Variants in DNAH10 observed in about 807,000 individuals in gnomAD.
DNAH10 encodes axonemal beta dynein heavy chain 10.
A neutral mutation model predicts 506.6 loss-of-function variants in DNAH10; 348 were observed. The ratio of observed to expected loss-of-function variants is 0.69; its 90% CI spans 0.63 to 0.75. DNAH10 has a LOEUF of 0.75. DNAH10 is among the 30% of genes least tolerant of loss of function. DNAH10 has a pLI of 0.00. For missense variants in DNAH10, 5,179 were observed against 5,787.1 expected (o/e 0.89, Z 3.41); for synonymous variants, 2,059 against 2,198.6 (o/e 0.94, Z 1.78).
At chr12:123,792,271 C>T (rs2136227228) in intron 11 of DNAH10, among the ~76,000 whole-genome samples, 1 of 152,206 alleles carries the variant, frequency 6.6e-6, no homozygotes, top group Non-Finnish European at 1.5e-5. Context: ...TTTTTATTTG[C>T]CTGGTTATTT....
intron 28 of DNAH10, among the ~76,000 whole-genome samples, chr12:123,836,010 C>A (rs1200563937): frequency 6.6e-6 from 1 of 152,138 alleles, no homozygotes; most frequent in Non-Finnish European, 1.5e-5. Flanking sequence ...TAGCTGCTGG[C>A]ATATGACACT....
intron 45 of DNAH10, among the ~76,000 whole-genome samples, chr12:123,872,476 G>A (rs903350816): frequency 3.9e-5 from 6 of 152,114 alleles, no homozygotes; most frequent in African/African-American, 1.4e-4. Flanking sequence ...GCCCAGCCAG[G>A]TACACCTGAA....
Position 123,932,109 on chromosome 12 carries a change from G to T in DNAH10, c.13296+1G>T. On this transcript the variant is annotated splice_donor_variant, in intron 76 of 78. Transcript: ENST00000673944. LOFTEE classifies it high-confidence loss of function. ...GCGGTTCAGCCAGTACATGTTGTGG[G>T]TAAGTGGCACGTCACCGCCTCCTCT... 6.2e-7 allele frequency: 1 copy of T among 1,613,300 alleles called. No homozygotes were observed. The highest frequency in any genetic ancestry group is 8.5e-7 in the Non-Finnish European group (1 of 1,179,872).
At chr12:123,934,834 G>A in intron 78 of DNAH10, 68 bp downstream of exon 78, 3 of 1,593,126 alleles carry the variant, frequency 1.9e-6, no homozygotes, top group Non-Finnish European at 2.6e-6. Context: ...TATGGCTGAG[G>A]TGGTTTCCAA....
intron 77 of DNAH10, among the ~76,000 whole-genome samples, chr12:123,933,781 T>C (rs1955332518): frequency 6.6e-6 from 1 of 152,206 alleles, no homozygotes; most frequent in Non-Finnish European, 1.5e-5. Context: ...TGCTAGCTCA[T>C]GGCAAGTGGG....
chr12:123,852,297 A>G (rs1203343105), intron 35 of DNAH10, among the ~76,000 whole-genome samples: 4 of 152,234 alleles, frequency 2.6e-5, no homozygotes, highest in African/African-American at 9.6e-5. Context: ...TAAGCTATCT[A>G]TAAAATGTAC....
rs1210787408 is a variant in DNAH10, at chr12:123,934,611, G to C, written c.13478-10G>C. ...TCCAGTTGTATCCAGTCTCTGCCTTGTGTCCCTAGGATGCTTTGTCTCAGG... is the reference window on the plus strand; with the variant it reads ...TCCAGTTGTATCCAGTCTCTGCCTTCTGTCCCTAGGATGCTTTGTCTCAGG... On this transcript the variant is annotated splice_polypyrimidine_tract_variant and intron_variant, in intron 77 of 78. Transcript: ENST00000673944. 1 of 1,613,056 alleles carries C rather than the reference G, an allele frequency of 6.2e-7. No homozygotes were observed. The highest frequency in any genetic ancestry group is 8.5e-7 in the Non-Finnish European group (1 of 1,179,514).
intron 24 of DNAH10, among the ~76,000 whole-genome samples, chr12:123,825,949 C>G (rs946233511): frequency 1.3e-5 from 2 of 151,928 alleles, no homozygotes; most frequent in Non-Finnish European, 2.9e-5. Context: ...AGCAAGACCC[C>G]CTGTCTCTGC....
rs778863266 is a variant in DNAH10, at chr12:123,935,523, G to C, written c.*42G>C. On this transcript the variant is annotated 3_prime_UTR_variant, in exon 79 of 79. Coordinates refer to ENST00000673944, the MANE Select transcript of DNAH10 (RefSeq NM_001372106.1). ...ACTGCTTAATGAATTCGGAGCCTGG[G>C]GTTGTCAGAGTGATCGGGTCTGCTG... is the stretch of plus-strand genomic sequence containing the variant. 3 of 1,531,030 alleles carry C rather than the reference G, an allele frequency of 2.0e-6. No individual in the cohort carries two copies. The highest frequency in any genetic ancestry group is 4.6e-5 in the East Asian group (2 of 43,608). The allele number at this position is 1,531,030 out of a possible 1,614,324, so 94.8% of individuals were successfully genotyped here.
Position 123,787,885 on chromosome 12 carries a change from C to G in DNAH10, c.1503C>G (p.Thr501=). ...LRLWKKAYFD[T]RAKIEASGRE... ...TGTGGAAAAAGGCCTATTTTGACAC[C>G]CGGGCCAAGATAGAGGCTTCGGGGA... The change falls in exon 10 of 79, where the codon ACC becomes ACG. Residue 501 remains threonine (T), a synonymous_variant. Transcript: ENST00000673944. The surrounding 1 kb of genome is among the most constrained non-coding windows in gnomAD (Gnocchi z 4.6). The G allele has an allele frequency of 6.2e-7, 1 of 1,613,660 alleles. No individual in the cohort carries two copies. The highest frequency in any genetic ancestry group is 8.5e-7 in the Non-Finnish European group (1 of 1,179,880).
intron 24 of DNAH10, among the ~76,000 whole-genome samples, chr12:123,824,493 C>T (rs1456158140): frequency 1.3e-5 from 2 of 152,090 alleles, no homozygotes; most frequent in Non-Finnish European, 2.9e-5. Flanking sequence ...CTGGTGCCTT[C>T]GTTTCCTGGG....
At chr12:123,876,548 G>A (rs1415467980) in intron 47 of DNAH10, among the ~76,000 whole-genome samples, 1 of 152,160 alleles carries the variant, frequency 6.6e-6, no homozygotes, top group East Asian at 1.9e-4. Flanking sequence ...CAGGAAAATT[G>A]CTTGAACCTG....
rs1954298841 is a variant in DNAH10, at chr12:123,913,006, G to A, written c.10135-92G>A. 8.4e-7 allele frequency: 1 copy of A among 1,197,356 alleles called. No homozygotes were observed. Among genetic ancestry groups the A allele is most frequent in the Non-Finnish European group, 1.2e-6 (1 of 851,710 alleles). 74.2% of individuals were successfully genotyped at this position (1,197,356 alleles called of 1,614,324 possible). On this transcript the variant is annotated intron_variant, in intron 59 of 78. Coordinates refer to ENST00000673944, the MANE Select transcript of DNAH10 (RefSeq NM_001372106.1). This position sits in a 1 kb window ranked among gnomAD's most constrained non-coding sequence, Gnocchi z 5.1. ...TCTGAAAAGCACAGACACCATTAGA[G>A]CAGTTTAGACATGTGGCCTGGTTTG...
Position 123,935,508 on chromosome 12 carries a change from G to T in DNAH10, c.*27G>T. On this transcript the variant is annotated 3_prime_UTR_variant, in exon 79 of 79. Coordinates refer to ENST00000673944, the MANE Select transcript of DNAH10 (RefSeq NM_001372106.1). Reference sequence around the variant, plus strand: ...CTTTGGGTGAAGAAAACTGCTTAATGAATTCGGAGCCTGGGGTTGTCAGAG... The same window carrying T: ...CTTTGGGTGAAGAAAACTGCTTAATTAATTCGGAGCCTGGGGTTGTCAGAG... 2 of 1,559,052 alleles carry T rather than the reference G, an allele frequency of 1.3e-6. No individual in the cohort carries two copies. The highest frequency in any genetic ancestry group is 2.9e-5 in the African/African-American group (2 of 69,940).
intron 65 of DNAH10, among the ~76,000 whole-genome samples, chr12:123,920,006 TTCTATG>T (rs1390834454): frequency 6.6e-6 from 1 of 152,262 alleles, no homozygotes; most frequent in Non-Finnish European, 1.5e-5. Context: ...CATAGGGTAA[TTCTATG>T]TCTAACTTTT....
intron 59 of DNAH10, 43 bp downstream of exon 59, chr12:123,910,715 C>A (rs1474997447): frequency 6.2e-7 from 1 of 1,600,760 alleles, no homozygotes; most frequent in South Asian, 1.1e-5. Flanking sequence ...GCCAAGGGAC[C>A]CATTCAGAGT....
At chr12:123,823,693 A>T (rs976291824) in intron 24 of DNAH10, among the ~76,000 whole-genome samples, 1 of 152,204 alleles carries the variant, frequency 6.6e-6, no homozygotes, top group African/African-American at 2.4e-5. Context: ...GCAATGTGTA[A>T]TAATCACATC....
In DNAH10 at chr12:123,917,038, T is replaced by C. The variant is rs1272294672; in HGVS notation, c.11002+302T>C. ...TCTATATTCGTGTATTTAAAATACA[T>C]GTTGTGATGTTGAATTTTTTTTTTC... On this transcript the variant is annotated intron_variant, in intron 63 of 78. Coordinates refer to ENST00000673944, the MANE Select transcript of DNAH10 (RefSeq NM_001372106.1). This position sits in a 1 kb window ranked among gnomAD's most constrained non-coding sequence, Gnocchi z 5.6. Among the ~76,000 whole-genome samples the C allele has an allele frequency of 2.0e-5, 3 of 152,214 alleles. No homozygotes were observed. Among genetic ancestry groups the C allele is most frequent in the African/African-American group, 4.8e-5 (2 of 41,464 alleles).
chr12:123,822,292 A>T (rs1278714663), intron 24 of DNAH10, among the ~76,000 whole-genome samples: 1 of 152,188 alleles, frequency 6.6e-6, no homozygotes, highest in Non-Finnish European at 1.5e-5. Flanking sequence ...CATGCTATTC[A>T]TTCATTTATC....
Sources: allele counts gnomAD v4.1 joint callset (sites outside exome capture counted in the v4.1 genomes callset), GRCh38; gene constraint gnomAD v4.1.1; non-coding constraint Gnocchi (gnomAD v3.1); transcripts MANE v1.5; gene names NCBI Gene and HGNC (gene_info 2026-07-23, HGNC 2026-07-21).